AKAP3: variants seen among roughly 807,000 people sequenced by gnomAD.
The protein encoded by AKAP3 is A-kinase anchoring protein 3.
AKAP3 carries 27 observed loss-of-function variants against 57.2 expected under a neutral mutation model. The ratio of observed to expected loss-of-function variants is 0.47; its 90% CI spans 0.35 to 0.65. The LOEUF is 0.65. Ranked by LOEUF, AKAP3 falls within the 30% of genes least tolerant of loss-of-function variation. The pLI is 0.01. For synonymous variants in AKAP3, 334 were observed against 392.3 expected, an observed-to-expected ratio of 0.85 and a Z score of 1.76; for missense variants, 959 against 1,040.0, an observed-to-expected ratio of 0.92 and a Z score of 1.07.
chr12:4,641,543 T>G (rs1439102702), intron 3 of AKAP3, among the ~76,000 whole-genome samples: 1 of 152,258 alleles, frequency 6.6e-6, no homozygotes, highest in Non-Finnish European at 1.5e-5. Context: ...TTTTGTTATC[T>G]TAACAAGGAA....
Position 4,638,711 on chromosome 12 carries a change from C to T in AKAP3, c.1-515G>A, listed in dbSNP as rs559403112. ...TAAGTCTGGTAGCTCTTTCTTAAGA[C>T]CAATCCCTCCTCATTAGCCAAGGAT... is the stretch of plus-strand genomic sequence containing the variant. On this transcript the variant is annotated intron_variant, in intron 3 of 5. Coordinates refer to ENST00000228850, the MANE Select transcript of AKAP3 (RefSeq NM_001278309.2). Among the ~76,000 whole-genome samples, 7 of 152,316 alleles carry T rather than the reference C, an allele frequency of 4.6e-5. No individual in the cohort carries two copies. In the South Asian group the frequency reaches 1.5e-3, roughly 32 times the overall value.
At chr12:4,629,754 G>A (rs780050126) in intron 4 of AKAP3, among the ~76,000 whole-genome samples, 7 of 152,008 alleles carry the variant, frequency 4.6e-5, no homozygotes, top group African/African-American at 9.6e-5. Context: ...TTTTTATTTC[G>A]ATCTTATTAC....
At chr12:4,635,720 T>C (rs1945556732) in intron 4 of AKAP3, 2 of 719,832 alleles carry the variant, frequency 2.8e-6, no homozygotes, top group South Asian at 1.5e-5. Flanking sequence ...TGCTCCTCTG[T>C]AGTACATTGG....
chr12:4,619,691 A>T (rs1271209109), intron 5 of AKAP3, among the ~76,000 whole-genome samples: 1 of 152,248 alleles, frequency 6.6e-6, no homozygotes, highest in Non-Finnish European at 1.5e-5. Flanking sequence ...ATGAAAACAT[A>T]TAACCACACA....
chr12:4,623,358 A>G (rs1945368046), intron 5 of AKAP3, among the ~76,000 whole-genome samples: 1 of 152,256 alleles, frequency 6.6e-6, no homozygotes, highest in Non-Finnish European at 1.5e-5. Context: ...GAGATAACCT[A>G]AGTGCCCATC....
rs746717018 is a variant in AKAP3 at position 4,628,666 on chromosome 12, T to C, written c.236A>G (p.Lys79Arg). ...GTTGTAATAGTCTACAGAGAAACCTTTGTGTGGGTCTCCTGAGTTGGACGT... is the reference window on the plus strand; with the variant it reads ...GTTGTAATAGTCTACAGAGAAACCTCTGTGTGGGTCTCCTGAGTTGGACGT... ...GETSNSGDPH[K>R]GFSVDYYNTT... The change falls in exon 5 of 6, where the codon AAA becomes AGA. Residue 79 changes from lysine (K) to arginine (R), a missense_variant. Coordinates refer to ENST00000228850, the MANE Select transcript of AKAP3 (RefSeq NM_001278309.2). 1.7e-5 allele frequency: 28 copies of C among 1,614,078 alleles called. No homozygotes were observed. The highest frequency in any genetic ancestry group is 2.4e-5 in the Non-Finnish European group (28 of 1,180,030).
rs115694853 is a variant in AKAP3, at chr12:4,647,180, C to T, written c.-245+1565G>A. On this transcript the variant is annotated intron_variant, in intron 1 of 5. Transcript: ENST00000228850. ...ATACTTCAGTGGTATTTGAATAGTA[C>T]TGCATGGACCTACATATAGCACTTT... is the stretch of plus-strand genomic sequence containing the variant. 3.5e-3 allele frequency among the ~76,000 whole-genome samples: 535 copies of T among 152,268 alleles called. 3 individuals are homozygous for T. The highest frequency in any genetic ancestry group is 0.012 in the African/African-American group (516 of 41,558).
chr12:4,640,468 G>A (rs1469814435), intron 3 of AKAP3, among the ~76,000 whole-genome samples: 1 of 152,162 alleles, frequency 6.6e-6, no homozygotes, highest in African/African-American at 2.4e-5. Flanking sequence ...TGTTTTAAAG[G>A]ACTTTGGACT....
chr12:4,645,217 A>G (rs1362413939), intron 1 of AKAP3, 25 bp from the exon 2 acceptor site: 1 of 152,242 alleles, frequency 6.6e-6, no homozygotes, highest in Non-Finnish European at 1.5e-5. Context: ...CAGAATCACA[A>G]TTGGTGATAT....
chr12:4,647,063 A>C (rs540266816), intron 1 of AKAP3, among the ~76,000 whole-genome samples: 1 of 152,096 alleles, frequency 6.6e-6, no homozygotes, highest in African/African-American at 2.4e-5. Flanking sequence ...GATTACAGGC[A>C]TGAGCCACCG....
In AKAP3 at chr12:4,632,375, A is replaced by G. The variant is rs565065347; in HGVS notation, c.97-3570T>C. ...TTTCAGCTGGTGTGTGATGTTCCCA[A>G]TTATATACCCCTCACCCTAGTTTTT... On this transcript the variant is annotated intron_variant, in intron 4 of 5. Coordinates refer to ENST00000228850, the MANE Select transcript of AKAP3 (RefSeq NM_001278309.2). Among the ~76,000 whole-genome samples the G allele has an allele frequency of 1.8e-4, 28 of 152,298 alleles. No homozygotes were observed. The South Asian group carries it at 5.8e-3, about 32-fold the overall frequency.
chr12:4,622,010 G>A (rs929139961), intron 5 of AKAP3, among the ~76,000 whole-genome samples: 1 of 151,926 alleles, frequency 6.6e-6, no homozygotes, highest in Non-Finnish European at 1.5e-5. Flanking sequence ...TAAGAAAAAG[G>A]CCTACAATGC....
intron 4 of AKAP3, among the ~76,000 whole-genome samples, chr12:4,629,410 T>C (rs1387740236): frequency 2.6e-5 from 4 of 152,186 alleles, no homozygotes; most frequent in African/African-American, 7.2e-5. Context: ...TTCATACTTA[T>C]AAGTGGGAGC....
chr12:4,620,474 C>CAA (rs35307509), intron 5 of AKAP3, among the ~76,000 whole-genome samples: 3,114 of 81,994 alleles, frequency 0.038, 291 homozygotes, highest in African/African-American at 0.14. Flanking sequence ...GAGACTGTCT[C>CAA]AAAAAAAAAA....
Position 4,615,618 on chromosome 12 carries a change from G to A in AKAP3, c.*121C>T, listed in dbSNP as rs1375205154. 5.6e-6 allele frequency: 7 copies of A among 1,245,564 alleles called. No homozygotes were observed. Among genetic ancestry groups the A allele is most frequent in the Non-Finnish European group, 7.8e-6 (7 of 897,290 alleles). The allele number at this position is 1,245,564 out of a possible 1,614,324, so 77.2% of individuals were successfully genotyped here. Reference sequence around the variant, plus strand: ...AGATGACATGTCTTTGATGAGAGTGGTGTGAAGATAATGTTAGGGCTCTGT... The same window carrying A: ...AGATGACATGTCTTTGATGAGAGTGATGTGAAGATAATGTTAGGGCTCTGT... On this transcript the variant is annotated 3_prime_UTR_variant, in exon 6 of 6. Transcript: ENST00000228850.
chr12:4,628,006 G>A lies in AKAP3; in HGVS notation c.896C>T (p.Ser299Phe). ...ANSVVSDMMVSIMKTLKIQVK... is the reference protein window; with the variant it reads ...ANSVVSDMMVFIMKTLKIQVK... ...TTGGATCTTCAGTGTCTTCATGATG[G>A]AGACCATCATATCAGATACCACACT... The change falls in exon 5 of 6, where the codon TCC becomes TTC. Residue 299 changes from serine (S) to phenylalanine (F), a missense_variant. Physicochemically the swap from Ser to Phe is radical, Grantham distance 155. Coordinates refer to ENST00000228850, the MANE Select transcript of AKAP3 (RefSeq NM_001278309.2). 1 of 1,613,958 alleles carries A rather than the reference G, an allele frequency of 6.2e-7. No homozygotes were observed. Among genetic ancestry groups the A allele is most frequent in the South Asian group, 1.1e-5 (1 of 91,056 alleles).
rs1169616242 is a variant in AKAP3 at position 4,624,315 on chromosome 12, ACGTGTGTGTGTGTGTGTGTG to A, written c.2406+2161_2406+2180del. Among the ~76,000 whole-genome samples the A allele has an allele frequency of 8.3e-4, 121 of 146,306 alleles. 1 individual carries two copies. Among genetic ancestry groups the A allele is most frequent in the Middle Eastern group, 3.5e-3 (1 of 284 alleles). On this transcript the variant is annotated intron_variant, in intron 5 of 5. Transcript: ENST00000228850. ...ATAAAAAATAATAATTTGTGACTTT[ACGTGTGTGTGTGTGTGTGTG>A]TGTGTGTGTGTGTGTGTGTGTGTGT...
intron 2 of AKAP3, among the ~76,000 whole-genome samples, chr12:4,643,081 A>C (rs965980694): frequency 1.3e-5 from 2 of 152,248 alleles, no homozygotes; most frequent in African/African-American, 4.8e-5. Context: ...CAAATAAATC[A>C]ACATCTTAAA....
In AKAP3 at chr12:4,627,002, C is replaced by T; in HGVS notation, c.1900G>A (p.Ala634Thr). The change falls in exon 5 of 6, where the codon GCG becomes ACG. Residue 634 changes from alanine (A) to threonine (T), a missense_variant. By Grantham distance (58) the Ala-to-Thr change is moderately conservative. Transcript: ENST00000228850. Reference sequence around the variant, plus strand: ...TCATATAGCCTGGGGGGAGAAGACGCCAACGGTCTTTCACACAACTTCCTA... The same window carrying T: ...TCATATAGCCTGGGGGGAGAAGACGTCAACGGTCTTTCACACAACTTCCTA... ...EDRKLCERPL[A>T]SSPPRLYEDD... 1 of 1,613,960 alleles carries T rather than the reference C, an allele frequency of 6.2e-7. No individual in the cohort carries two copies. The highest frequency in any genetic ancestry group is 8.5e-7 in the Non-Finnish European group (1 of 1,179,996).
Sources: allele counts gnomAD v4.1 joint callset (sites outside exome capture counted in the v4.1 genomes callset), GRCh38; gene constraint gnomAD v4.1.1; transcripts MANE v1.5; gene names NCBI Gene and HGNC (gene_info 2026-07-23, HGNC 2026-07-21).